Variants in HIP1 observed in about 807,000 individuals in gnomAD.
HIP1 encodes the protein huntingtin interacting protein 1.
In HIP1, 65 loss-of-function variants were observed where a neutral mutation model predicts 147.6. The ratio of observed to expected loss-of-function variants is 0.44; its 90% CI spans 0.36 to 0.54. The LOEUF (loss-of-function observed/expected upper bound fraction) is 0.54. HIP1 is among the 20% of genes least tolerant of loss of function. The pLI is 0.00. For missense variants in HIP1, 1,061 were observed against 1,299.6 expected (o/e 0.82, Z 2.82); for synonymous variants, 479 against 504.0 (o/e 0.95, Z 0.67).
intron 1 of HIP1, among the ~76,000 whole-genome samples, chr7:75,603,343 C>CAA (rs10546584): frequency 0.16 from 20,428 of 127,210 alleles, 1,741 homozygotes; most frequent in Middle Eastern, 0.29. Context: ...GCGAGACTCT[C>CAA]AAAAAAAAAA....
intron 1 of HIP1, among the ~76,000 whole-genome samples, chr7:75,664,874 G>A (rs1214777141): frequency 6.6e-6 from 1 of 152,082 alleles, no homozygotes; most frequent in Non-Finnish European, 1.5e-5. Flanking sequence ...GCCTGCCTTG[G>A]CCTCCCAAAG....
chr7:75,545,810 G>GTGTGCC (rs1794539819), intron 25 of HIP1, among the ~76,000 whole-genome samples: 1 of 151,810 alleles, frequency 6.6e-6, no homozygotes, highest in Non-Finnish European at 1.5e-5. Flanking sequence ...TGGGCGTGGT[G>GTGTGCC]TGTGCCTGGA....
intron 9 of HIP1, among the ~76,000 whole-genome samples, chr7:75,563,968 T>C (rs1208782604): frequency 6.6e-6 from 1 of 152,144 alleles, no homozygotes; most frequent in East Asian, 1.9e-4. Flanking sequence ...TCAGAGCTCA[T>C]TGCAGCCTTG....
intron 9 of HIP1, among the ~76,000 whole-genome samples, chr7:75,565,070 G>A (rs1439021632): frequency 6.6e-6 from 1 of 152,114 alleles, no homozygotes; most frequent in Non-Finnish European, 1.5e-5. Flanking sequence ...GGGTACATGG[G>A]CCTTAAATCC....
intron 5 of HIP1, among the ~76,000 whole-genome samples, chr7:75,584,211 G>A (rs923198332): frequency 1.3e-5 from 2 of 151,426 alleles, no homozygotes; most frequent in African/African-American, 2.4e-5. Flanking sequence ...TGATCCACCC[G>A]CCTCGGCCTC....
intron 22 of HIP1, among the ~76,000 whole-genome samples, chr7:75,552,488 T>G (rs946073702): frequency 7.3e-5 from 11 of 151,724 alleles, no homozygotes; most frequent in Admixed American, 6.6e-4. Context: ...TAGCTGGGAC[T>G]ACAGGTGCGT....
At chr7:75,709,549 T>A (rs1801104547) in intron 1 of HIP1, among the ~76,000 whole-genome samples, 1 of 152,246 alleles carries the variant, frequency 6.6e-6, no homozygotes, top group South Asian at 2.1e-4. Context: ...TTTGCTGAAT[T>A]TGCTTATTGG....
intron 1 of HIP1, among the ~76,000 whole-genome samples, chr7:75,630,839 C>T (rs1798188140): frequency 6.6e-6 from 1 of 152,166 alleles, no homozygotes; most frequent in Admixed American, 6.6e-5. Flanking sequence ...GCAATGCTCC[C>T]CTCTTTCCCT....
rs372359753 is a variant in HIP1 at position 75,555,507 on chromosome 7, C to T, written c.1872G>A (p.Leu624=). 1.3e-5 allele frequency: 21 copies of T among 1,614,218 alleles called. No homozygotes were observed. The African/African-American group carries it at 2.1e-4, about 16-fold the overall frequency. Residue 624 remains leucine, a synonymous_variant, in exon 19 of 31, where the codon CTG becomes CTA. Transcript: ENST00000336926. ...QLAKDQRKML[L]VGSRKAAEQV... is the part of the protein sequence containing the mutation. ...GCTCCGCAGCCTTCCTGGACCCCAC[C>T]AGAAGCATTTTTCGTTGGTCTTTGG...
At chr7:75,581,594 C>CG (rs1257724701) in intron 6 of HIP1, among the ~76,000 whole-genome samples, 1 of 152,166 alleles carries the variant, frequency 6.6e-6, no homozygotes, top group Non-Finnish European at 1.5e-5. Context: ...GCCTGGCCAA[C>CG]GCGGCGAAAC....
At chr7:75,563,762 C>A (rs1254355117) in intron 9 of HIP1, among the ~76,000 whole-genome samples, 1 of 152,210 alleles carries the variant, frequency 6.6e-6, no homozygotes, top group Admixed American at 6.5e-5. Flanking sequence ...GACTGAGCTC[C>A]GCTGAGCTGT....
At chr7:75,597,065 G>C (rs146259801) in intron 2 of HIP1, among the ~76,000 whole-genome samples, 6 of 152,084 alleles carry the variant, frequency 3.9e-5, no homozygotes, top group African/African-American at 7.2e-5. Flanking sequence ...TTGAATCATC[G>C]CAAGGGTACC....
chr7:75,639,596 C>T (rs1382847643), intron 1 of HIP1, among the ~76,000 whole-genome samples: 9 of 128,240 alleles, frequency 7.0e-5, no homozygotes, highest in East Asian at 2.1e-4. Context: ...TGTGTGTGCG[C>T]CCGCGTGTGT....
intron 5 of HIP1, among the ~76,000 whole-genome samples, chr7:75,585,568 C>A (rs926039254): frequency 1.3e-5 from 2 of 151,870 alleles, no homozygotes; most frequent in African/African-American, 2.4e-5. Flanking sequence ...ACGCTACAAG[C>A]CCCCTCCCCT....
At chr7:75,619,459 G>A (rs1554506628) in intron 1 of HIP1, among the ~76,000 whole-genome samples, 1 of 147,688 alleles carries the variant, frequency 6.8e-6, no homozygotes, top group Non-Finnish European at 1.5e-5. Flanking sequence ...CCAGAAGGCA[G>A]AGGTTGCAGT....
chr7:75,540,930 T>C (rs1794282745), intron 29 of HIP1, among the ~76,000 whole-genome samples: 1 of 152,094 alleles, frequency 6.6e-6, no homozygotes, highest in Non-Finnish European at 1.5e-5. Flanking sequence ...CTGGATAACA[T>C]GTAAAGGAAC....
At chr7:75,619,456 G>A (rs1312528033) in intron 1 of HIP1, among the ~76,000 whole-genome samples, 2 of 150,252 alleles carry the variant, frequency 1.3e-5, no homozygotes, top group Admixed American at 6.7e-5. Context: ...AACCCAGAAG[G>A]CAGAGGTTGC....
chr7:75,623,991 G>T (rs1394032659), intron 1 of HIP1, among the ~76,000 whole-genome samples: 4 of 152,264 alleles, frequency 2.6e-5, no homozygotes, highest in African/African-American at 9.6e-5. Context: ...GAGGGCAGGA[G>T]GATCACTCGA....
intron 1 of HIP1, among the ~76,000 whole-genome samples, chr7:75,631,609 A>G: frequency 6.6e-6 from 1 of 152,134 alleles, no homozygotes. Flanking sequence ...AACCTCCTCC[A>G]AATTAAAGAT....
Sources: gnomAD v4.1 joint callset for allele counts (sites outside exome capture counted in the v4.1 genomes callset) on GRCh38, gnomAD v4.1.1 for gene constraint, MANE v1.5 for transcripts, NCBI Gene and HGNC (gene_info 2026-07-23, HGNC 2026-07-21) for gene names.